Variants in NCK1 observed in about 807,000 individuals in gnomAD.
NCK1 encodes the protein SH2/SH3 adapter protein NCK1.
Under a neutral mutation model 36.6 loss-of-function variants are expected in NCK1, and 19 were observed. That is an observed-to-expected ratio of 0.52 (90% CI 0.36 to 0.76). The LOEUF is 0.76. NCK1 is among the 30% of genes least tolerant of loss of function. The pLI, the probability that NCK1 is intolerant of heterozygous loss-of-function variation, is 0.00. For missense variants in NCK1, 358 were observed against 445.6 expected (o/e 0.80, Z 1.77); for synonymous variants, 165 against 156.0 (o/e 1.06, Z -0.43).
chr3:136,879,194 C>A (rs1299208120), intron 1 of NCK1, among the ~76,000 whole-genome samples: 12 of 150,370 alleles, frequency 8.0e-5, no homozygotes, highest in African/African-American at 2.4e-4. Flanking sequence ...GGAGTTCTTT[C>A]ATAAAGTAGA....
At chr3:136,906,307 A>G (rs1939682227) in intron 1 of NCK1, among the ~76,000 whole-genome samples, 1 of 151,902 alleles carries the variant, frequency 6.6e-6, no homozygotes, top group Admixed American at 6.6e-5. Context: ...AAGAGGTCTC[A>G]CTCTGTTGCC....
At chr3:136,872,085 C>G (rs1422950841) in intron 1 of NCK1, among the ~76,000 whole-genome samples, 1 of 152,266 alleles carries the variant, frequency 6.6e-6, no homozygotes, top group Admixed American at 6.5e-5. Flanking sequence ...AATGTGGAAG[C>G]AACTTTGGAA....
At chr3:136,912,577 T>C (rs535050175) in intron 1 of NCK1, among the ~76,000 whole-genome samples, 1 of 151,974 alleles carries the variant, frequency 6.6e-6, no homozygotes, top group South Asian at 2.1e-4. Flanking sequence ...ATCCCTGTAG[T>C]GAATTTTCCA....
intron 1 of NCK1, among the ~76,000 whole-genome samples, chr3:136,874,746 A>T (rs1463804289): frequency 6.6e-6 from 1 of 151,940 alleles, no homozygotes; most frequent in Non-Finnish European, 1.5e-5. Context: ...TAACCTCTCC[A>T]TTTGATGGAG....
At chr3:136,920,436 T>A (rs1278538770) in intron 1 of NCK1, among the ~76,000 whole-genome samples, 1 of 152,170 alleles carries the variant, frequency 6.6e-6, no homozygotes, top group Non-Finnish European at 1.5e-5. Context: ...TAGTGGAGAC[T>A]AGGAGACAGA....
intron 1 of NCK1, among the ~76,000 whole-genome samples, chr3:136,915,292 G>C (rs1458921688): frequency 6.6e-6 from 1 of 152,132 alleles, no homozygotes; most frequent in Non-Finnish European, 1.5e-5. Flanking sequence ...TTTGGTCTGT[G>C]GGGGGTTGAC....
chr3:136,945,049 A>G (rs941204388), intron 2 of NCK1, among the ~76,000 whole-genome samples: 5 of 152,250 alleles, frequency 3.3e-5, no homozygotes, highest in African/African-American at 1.2e-4. Flanking sequence ...TATGAGGTAA[A>G]TAGAGCTACC....
chr3:136,867,184 CT>C, intron 1 of NCK1, among the ~76,000 whole-genome samples: 1 of 71,526 alleles, frequency 1.4e-5, no homozygotes, highest in African/African-American at 3.3e-5. Flanking sequence ...TTCCTTCTTT[CT>C]TTCTTTTCTT....
chr3:136,874,017 A>G (rs911588277), intron 1 of NCK1, among the ~76,000 whole-genome samples: 5 of 152,146 alleles, frequency 3.3e-5, no homozygotes, highest in African/African-American at 1.2e-4. Flanking sequence ...TGTTTGTGAG[A>G]TTCATTTATG....
chr3:136,862,852 C>A (rs920419141), intron 1 of NCK1, among the ~76,000 whole-genome samples: 2 of 144,420 alleles, frequency 1.4e-5, no homozygotes, highest in African/African-American at 5.0e-5. Context: ...CGGGACGCGC[C>A]CTCTCCCCTC....
At chr3:136,883,189 G>A (rs974896459) in intron 1 of NCK1, among the ~76,000 whole-genome samples, 1 of 152,138 alleles carries the variant, frequency 6.6e-6, no homozygotes, top group Non-Finnish European at 1.5e-5. Flanking sequence ...CCAAAGTGCT[G>A]GGATTACAGG....
chr3:136,931,225 A>G (rs2108133582), intron 2 of NCK1, among the ~76,000 whole-genome samples: 1 of 152,294 alleles, frequency 6.6e-6, no homozygotes, highest in East Asian at 1.9e-4. Context: ...TAAAACTAAT[A>G]ATAATTTATA....
At chr3:136,865,128 T>G (rs1025280230) in intron 1 of NCK1, among the ~76,000 whole-genome samples, 2 of 152,146 alleles carry the variant, frequency 1.3e-5, no homozygotes, top group Non-Finnish European at 1.5e-5. Flanking sequence ...TGACTAATTT[T>G]TGTATTTTTA....
At chr3:136,921,055 C>T (rs1270165805) in intron 1 of NCK1, among the ~76,000 whole-genome samples, 2 of 152,130 alleles carry the variant, frequency 1.3e-5, no homozygotes, top group East Asian at 1.9e-4. Flanking sequence ...AAAATGAGGT[C>T]GTTAAGATGG....
chr3:136,915,960 G>C (rs1576975286), intron 1 of NCK1, among the ~76,000 whole-genome samples: 1 of 152,020 alleles, frequency 6.6e-6, no homozygotes, highest in South Asian at 2.1e-4. Flanking sequence ...TCCTGAGCCC[G>C]GGTGATCTGC....
chr3:136,865,905 C>T (rs983004574), intron 1 of NCK1, among the ~76,000 whole-genome samples: 1 of 152,214 alleles, frequency 6.6e-6, no homozygotes, highest in Non-Finnish European at 1.5e-5. Context: ...TACCCAGACA[C>T]AAACTTTGGT....
At chr3:136,921,782 AT>A (rs1280981032) in intron 1 of NCK1, among the ~76,000 whole-genome samples, 1 of 151,956 alleles carries the variant, frequency 6.6e-6, no homozygotes, top group African/African-American at 2.4e-5. Context: ...GGAAAGAAAG[AT>A]GGTTTTTTTG....
rs747247914 is a variant in NCK1 at position 136,948,350 on chromosome 3, G to A, written c.1031G>A (p.Arg344His). 3 of 1,613,156 alleles carry A rather than the reference G, an allele frequency of 1.9e-6. No homozygotes were observed. Among genetic ancestry groups the A allele is most frequent in the Admixed American group, 1.7e-5 (1 of 59,982 alleles). The change falls in exon 4 of 4, where the codon CGT becomes CAT. Residue 344 changes from arginine (R) to histidine (H), a missense_variant. Arg to His is a conservative substitution (Grantham distance 29). Around this residue, in one of 3 missense-constraint regions of NCK1, gnomAD observed 207 missense variants for 253.4 expected, o/e 0.82. Coordinates refer to ENST00000481752, the MANE Select transcript of NCK1 (RefSeq NM_001291999.2). ...LKETVYCIGQ[R>H]KFSTMEELVE... ...GAGACTGTCTACTGCATTGGGCAGCGTAAATTCAGCACCATGGAAGAACTT... is the reference window on the plus strand; with the variant it reads ...GAGACTGTCTACTGCATTGGGCAGCATAAATTCAGCACCATGGAAGAACTT...
At chr3:136,911,581 G>T (rs1939828470) in intron 1 of NCK1, among the ~76,000 whole-genome samples, 1 of 152,060 alleles carries the variant, frequency 6.6e-6, no homozygotes. Flanking sequence ...TCTAAAACCA[G>T]GTTGCTTTCT....
Sources: allele counts gnomAD v4.1 joint callset (sites outside exome capture counted in the v4.1 genomes callset), GRCh38; gene constraint gnomAD v4.1.1; regional missense constraint gnomAD v4.1.1; transcripts MANE v1.5; gene names NCBI Gene and HGNC (gene_info 2026-07-23, HGNC 2026-07-21).